TENM3: variants seen among roughly 807,000 people sequenced by gnomAD.
TENM3 encodes teneurin transmembrane protein 3, also known as teneurin-3.
Under a neutral mutation model 255.1 loss-of-function variants are expected in TENM3, and 63 were observed. The ratio of observed to expected loss-of-function variants is 0.25; its 90% CI spans 0.20 to 0.30. The LOEUF is 0.30. Among genes scored for constraint, TENM3 ranks in the 10% least tolerant of loss-of-function variants. The pLI is 1.00. For missense variants in TENM3, 2,929 were observed against 3,461.1 expected (o/e 0.85, Z 3.86); for synonymous variants, 1,306 against 1,322.3 (o/e 0.99, Z 0.27).
intron 3 of TENM3, among the ~76,000 whole-genome samples, chr4:182,519,277 C>A (rs1738315198): frequency 6.6e-6 from 1 of 152,100 alleles, no homozygotes; most frequent in East Asian, 1.9e-4. Context: ...ATTAATTTCA[C>A]CTGCTTTTAA....
the TENM3 span, among the ~76,000 whole-genome samples, chr4:181,929,972 G>A: frequency 2.0e-5 from 3 of 151,938 alleles, no homozygotes; most frequent in Admixed American, 6.6e-5. Context: ...TATTCGAAAC[G>A]AGTGAGAACA....
At chr4:182,101,133 A>G in the TENM3 span, among the ~76,000 whole-genome samples, 6 of 109,992 alleles carry the variant, frequency 5.5e-5, no homozygotes, top group Non-Finnish European at 8.0e-5. Context: ...GAAAGAAGGA[A>G]GGAAGGAAAG....
At chr4:181,457,797 G>A in the TENM3 span, among the ~76,000 whole-genome samples, 1 of 151,770 alleles carries the variant, frequency 6.6e-6, no homozygotes, top group Non-Finnish European at 1.5e-5. Flanking sequence ...TTAGTATCCT[G>A]TTCAGATTAT....
In TENM3 at chr4:182,250,254, G is replaced by A. The variant is rs940370616; in HGVS notation, c.-76+6778G>A. Among the ~76,000 whole-genome samples, 60 of 149,342 alleles carry A rather than the reference G, an allele frequency of 4.0e-4. 1 individual carries two copies. Among genetic ancestry groups the A allele is most frequent in the Non-Finnish European group, 5.6e-4 (38 of 67,702 alleles). On this transcript the variant is annotated intron_variant, in intron 1 of 27. Transcript: ENST00000511685. ...TTTTTAGTAGAGACGGGGTTTCACTGTGTTAGCCAGGATGGTCTCGATCTC... is the reference window on the plus strand; with the variant it reads ...TTTTTAGTAGAGACGGGGTTTCACTATGTTAGCCAGGATGGTCTCGATCTC...
At chr4:182,718,191 T>C (rs1488842482) in intron 13 of TENM3, among the ~76,000 whole-genome samples, 1 of 152,074 alleles carries the variant, frequency 6.6e-6, no homozygotes, top group Non-Finnish European at 1.5e-5. Context: ...AAAAAAATTA[T>C]TAGCTTATAT....
the TENM3 span, among the ~76,000 whole-genome samples, chr4:181,727,533 T>C: frequency 6.6e-6 from 1 of 152,192 alleles, no homozygotes; most frequent in East Asian, 1.9e-4. Flanking sequence ...AATTAGATGA[T>C]TTTATAATGT....
the TENM3 span, among the ~76,000 whole-genome samples, chr4:181,880,160 G>T: frequency 4.6e-5 from 7 of 152,052 alleles, no homozygotes; most frequent in South Asian, 4.1e-4. Context: ...CCAGCCAAAG[G>T]CACCTTCCTC....
intron 7 of TENM3, among the ~76,000 whole-genome samples, chr4:182,676,493 A>T (rs1023894487): frequency 1.3e-5 from 2 of 152,218 alleles, no homozygotes; most frequent in South Asian, 4.1e-4. Flanking sequence ...AAATCTCTTT[A>T]GTCTCTATAT....
At chr4:182,611,940 C>T (rs1749034880) in intron 4 of TENM3, among the ~76,000 whole-genome samples, 1 of 151,982 alleles carries the variant, frequency 6.6e-6, no homozygotes, top group Non-Finnish European at 1.5e-5. Context: ...GGGTATTTTG[C>T]TGTGAGATAC....
rs111995629 is a variant in TENM3 at position 182,256,913 on chromosome 4, T to TA, written c.-76+13448dup. Among the ~76,000 whole-genome samples the TA allele has an allele frequency of 9.7e-3, 1,414 of 146,060 alleles. 14 individuals are homozygous for TA. Among genetic ancestry groups the TA allele is most frequent in the African/African-American group, 0.03 (1,218 of 40,048 alleles). ...CAAACACTGCTTTAAAAATAATTAT[T>TA]AAAAAAAAAAACGGTACCCGGAGTG... On this transcript the variant is annotated intron_variant, in intron 1 of 27. Transcript: ENST00000511685.
chr4:181,450,176 G>A, the TENM3 span, among the ~76,000 whole-genome samples: 12 of 152,192 alleles, frequency 7.9e-5, no homozygotes, highest in Non-Finnish European at 1.5e-4. Context: ...AAGTTCAGGC[G>A]TATACCTGAG....
intron 1 of TENM3, among the ~76,000 whole-genome samples, chr4:182,231,720 G>A (rs1163856884): frequency 6.6e-6 from 1 of 152,168 alleles, no homozygotes; most frequent in African/African-American, 2.4e-5. Flanking sequence ...ACAACATCAT[G>A]CTCTTGGTAC....
At chr4:182,477,200 C>T (rs4862071) in intron 3 of TENM3, among the ~76,000 whole-genome samples, 78,522 of 152,006 alleles carry the variant, frequency 0.52, 21,757 homozygotes, top group East Asian at 0.74. Flanking sequence ...TCAAAACCTT[C>T]AAGCACTTTA....
the TENM3 span, among the ~76,000 whole-genome samples, chr4:181,784,567 G>C: frequency 6.6e-6 from 1 of 152,054 alleles, no homozygotes; most frequent in Admixed American, 6.6e-5. Context: ...CTTTCCAACT[G>C]TGTTTTGTCC....
At chr4:182,265,386 A>G (rs377348902) in intron 1 of TENM3, among the ~76,000 whole-genome samples, 12 of 152,280 alleles carry the variant, frequency 7.9e-5, no homozygotes, top group Admixed American at 4.6e-4. Context: ...TGAGACTCCC[A>G]TGAAGGATAG....
chr4:182,182,164 C>A (rs185226515), intron 1 of TENM3, among the ~76,000 whole-genome samples: 3 of 152,028 alleles, frequency 2.0e-5, no homozygotes, highest in Non-Finnish European at 2.9e-5. Context: ...AAATTTCAGA[C>A]GTGATTTTAA....
chr4:181,470,518 C>G, the TENM3 span, among the ~76,000 whole-genome samples: 1 of 152,092 alleles, frequency 6.6e-6, no homozygotes, highest in Non-Finnish European at 1.5e-5. Context: ...TCCAAAAACA[C>G]GTGTTCCTTC....
chr4:182,405,649 C>T (rs115564931), intron 3 of TENM3, among the ~76,000 whole-genome samples: 2,548 of 152,302 alleles, frequency 0.017, 73 homozygotes, highest in African/African-American at 0.057. Context: ...GAGTAGAAGA[C>T]TTGGTCCCTG....
At chr4:182,371,312 T>C (rs7660154) in intron 3 of TENM3, among the ~76,000 whole-genome samples, 148,282 of 151,810 alleles carry the variant, frequency 0.98, 72,459 homozygotes, top group East Asian at 1. Context: ...AGCATCTTTT[T>C]GCCTTTTTAA....
Sources: allele counts gnomAD v4.1 joint callset (sites outside exome capture counted in the v4.1 genomes callset), GRCh38; gene constraint gnomAD v4.1.1; transcripts MANE v1.5; gene names NCBI Gene and HGNC (gene_info 2026-07-23, HGNC 2026-07-21).